FIGN: variants seen among roughly 807,000 people sequenced by gnomAD.
The protein encoded by FIGN is fidgetin, microtubule severing factor, also known as fidgetin.
Under a neutral mutation model 51.3 loss-of-function variants are expected in FIGN, and 11 were observed. That is an observed-to-expected ratio of 0.21 (90% CI 0.13 to 0.35). FIGN has a LOEUF of 0.35. FIGN is among the 10% of genes least tolerant of loss of function. The pLI is 1.00. For synonymous variants in FIGN, 407 were observed against 363.2 expected (o/e 1.12, Z -1.37); for missense variants, 857 against 943.6 (o/e 0.91, Z 1.20).
At chr2:163,695,101 T>G (rs895230438) in intron 2 of FIGN, among the ~76,000 whole-genome samples, 1 of 152,190 alleles carries the variant, frequency 6.6e-6, no homozygotes, top group African/African-American at 2.4e-5. Context: ...AACTGTCAAT[T>G]TTCAGAATGT....
At chr2:163,644,031 G>A (rs903424405) in intron 2 of FIGN, among the ~76,000 whole-genome samples, 9 of 148,030 alleles carry the variant, frequency 6.1e-5, no homozygotes, top group Admixed American at 4.8e-4. Flanking sequence ...AGAAAACACA[G>A]GGATTTGGCG....
At chr2:163,726,369 T>G (rs1394246034) in intron 2 of FIGN, among the ~76,000 whole-genome samples, 2 of 152,086 alleles carry the variant, frequency 1.3e-5, no homozygotes, top group Non-Finnish European at 2.9e-5. Context: ...TTTTGTAAGT[T>G]GGGCCTAAAA....
rs192004823 is a variant in FIGN at position 163,697,195 on chromosome 2, G to A, written c.25+37708C>T. 5.7e-3 allele frequency among the ~76,000 whole-genome samples: 855 copies of A among 149,384 alleles called. 5 individuals are homozygous for A. The highest frequency in any genetic ancestry group is 0.052 in the Middle Eastern group (15 of 288). ...GACTCACTGCAACTTCTGCCTCCCG[G>A]GTTCAAGCGATTCACCTGCCCCAGC... On this transcript the variant is annotated intron_variant, in intron 2 of 2. Transcript: ENST00000333129.
At chr2:163,673,018 C>G (rs558342732) in intron 2 of FIGN, among the ~76,000 whole-genome samples, 12 of 152,212 alleles carry the variant, frequency 7.9e-5, no homozygotes, top group Admixed American at 7.8e-4. Context: ...CAGTGCATAT[C>G]TCGTTAGACT....
chr2:163,718,066 G>A (rs912058555), intron 2 of FIGN, among the ~76,000 whole-genome samples: 1 of 152,006 alleles, frequency 6.6e-6, no homozygotes, highest in Non-Finnish European at 1.5e-5. Flanking sequence ...AGGGGGGAGG[G>A]GGGAGAGTGT....
chr2:163,627,528 G>T (rs1354740401), intron 2 of FIGN, among the ~76,000 whole-genome samples: 1 of 152,038 alleles, frequency 6.6e-6, no homozygotes, highest in South Asian at 2.1e-4. Context: ...GGACGAAGTG[G>T]GTTTTTATGC....
chr2:163,622,306 G>C (rs1282076098), intron 2 of FIGN, among the ~76,000 whole-genome samples: 2 of 152,134 alleles, frequency 1.3e-5, no homozygotes, highest in Non-Finnish European at 2.9e-5. Flanking sequence ...CTGCACTCCA[G>C]CCTCGGCGAC....
intron 2 of FIGN, among the ~76,000 whole-genome samples, chr2:163,731,103 A>T (rs1410313337): frequency 1.3e-5 from 2 of 152,286 alleles, no homozygotes; most frequent in Non-Finnish European, 1.5e-5. Flanking sequence ...CATTCAAGGC[A>T]TCCAAACACT....
chr2:163,728,548 T>C (rs924007860), intron 2 of FIGN, among the ~76,000 whole-genome samples: 1 of 152,060 alleles, frequency 6.6e-6, no homozygotes, highest in Admixed American at 6.5e-5. Flanking sequence ...AGTTCAGATA[T>C]AGAAAGAGCA....
At chr2:163,728,974 T>C (rs1241115514) in intron 2 of FIGN, among the ~76,000 whole-genome samples, 1 of 152,188 alleles carries the variant, frequency 6.6e-6, no homozygotes, top group Non-Finnish European at 1.5e-5. Flanking sequence ...TAGAACGACA[T>C]ACAGAAACCC....
chr2:163,628,122 A>G (rs1168192997), intron 2 of FIGN, among the ~76,000 whole-genome samples: 2 of 152,174 alleles, frequency 1.3e-5, no homozygotes, highest in African/African-American at 4.8e-5. Flanking sequence ...AATGCCTACT[A>G]TTATGTGAGA....
intron 2 of FIGN, among the ~76,000 whole-genome samples, chr2:163,709,238 T>G (rs1307323376): frequency 6.6e-6 from 1 of 152,092 alleles, no homozygotes; most frequent in African/African-American, 2.4e-5. Flanking sequence ...ATCCAGACAC[T>G]CTTTTTGAGG....
At chr2:163,669,823 A>G (rs1683846839) in intron 2 of FIGN, among the ~76,000 whole-genome samples, 1 of 152,168 alleles carries the variant, frequency 6.6e-6, no homozygotes. Flanking sequence ...AAAATTCTTT[A>G]TTCTCTTCTA....
intron 2 of FIGN, among the ~76,000 whole-genome samples, chr2:163,655,823 A>C (rs1179296558): frequency 2.0e-5 from 3 of 151,928 alleles, no homozygotes; most frequent in African/African-American, 7.3e-5. Flanking sequence ...AGAGAGAGAG[A>C]GAGAGCTCTA....
chr2:163,628,242 G>C (rs958990589), intron 2 of FIGN, among the ~76,000 whole-genome samples: 1 of 134,612 alleles, frequency 7.4e-6, no homozygotes, highest in Non-Finnish European at 1.6e-5. Context: ...ATCTAATAGA[G>C]AGAGGTGGCT....
At position 163,684,849 on chromosome 2, in the gene FIGN, A is replaced by G. The variant is rs1195707702; in HGVS notation, c.25+50054T>C. On this transcript the variant is annotated intron_variant, in intron 2 of 2. Transcript: ENST00000333129. ...GAGTGCACTGGCGTGATCTCGGCTCACTGCAACCTCCGCCTCCCAGGTTCA... is the reference window on the plus strand; with the variant it reads ...GAGTGCACTGGCGTGATCTCGGCTCGCTGCAACCTCCGCCTCCCAGGTTCA... Among the ~76,000 whole-genome samples, 4 of 151,838 alleles carry G rather than the reference A, an allele frequency of 2.6e-5. No individual in the cohort carries two copies. The East Asian group carries it at 7.8e-4, about 29-fold the overall frequency.
chr2:163,605,854 A>G lies in FIGN; in HGVS notation c.*3698T>C, dbSNP rs955410912. 6.6e-6 allele frequency: 1 copy of G among 151,732 alleles called. No homozygotes were observed. Among genetic ancestry groups the G allele is most frequent in the African/African-American group, 2.4e-5 (1 of 41,338 alleles). 9.4% of individuals were successfully genotyped at this position (151,732 alleles called of 1,614,324 possible). A position where few individuals can be genotyped will look rare whatever the true frequency, so the allele number is the denominator to read the frequency against. ...TAAAAACGTATTTTCCAACCCACAA[A>G]TATATTTAAATTTACAAAGACCTAT... On this transcript the variant is annotated 3_prime_UTR_variant, in exon 3 of 3. Transcript: ENST00000333129.
chr2:163,627,521 C>T (rs963933934), intron 2 of FIGN, among the ~76,000 whole-genome samples: 18 of 152,020 alleles, frequency 1.2e-4, no homozygotes, highest in East Asian at 1.9e-4. Context: ...GACTTTTGGA[C>T]GAAGTGGGTT....
At chr2:163,683,807 G>A (rs752565280) in intron 2 of FIGN, among the ~76,000 whole-genome samples, 5 of 152,184 alleles carry the variant, frequency 3.3e-5, no homozygotes, top group Non-Finnish European at 7.4e-5. Context: ...AGGGCAGGGA[G>A]TAATGGCAGG....
Sources: allele counts gnomAD v4.1 joint callset (sites outside exome capture counted in the v4.1 genomes callset), GRCh38; gene constraint gnomAD v4.1.1; transcripts MANE v1.5; gene names NCBI Gene and HGNC (gene_info 2026-07-23, HGNC 2026-07-21).